LRRTM4: variants seen among roughly 807,000 people sequenced by gnomAD.
LRRTM4 encodes the protein leucine rich repeat transmembrane neuronal 4, also known as leucine-rich repeat transmembrane neuronal protein 4.
LRRTM4 carries 25 observed loss-of-function variants against 47.6 expected under a neutral mutation model. The observed-to-expected ratio is 0.53, with a 90% confidence interval of 0.38 to 0.73. The LOEUF (loss-of-function observed/expected upper bound fraction) is 0.73. Among genes scored for constraint, LRRTM4 ranks in the 30% least tolerant of loss-of-function variants. The probability of loss-of-function intolerance (pLI) is 0.00; values close to 1 mark genes in which losing one functional copy is unlikely to be tolerated. For missense variants in LRRTM4, 638 were observed against 713.4 expected (o/e 0.89, Z 1.20); for synonymous variants, 311 against 269.5 (o/e 1.15, Z -1.51).
intron 3 of LRRTM4, among the ~76,000 whole-genome samples, chr2:77,319,392 A>G (rs1166900867): frequency 7.0e-6 from 1 of 143,402 alleles, no homozygotes; most frequent in Non-Finnish European, 1.5e-5. Context: ...CACATCAAAG[A>G]AAAAAAAAAA....
intron 3 of LRRTM4, among the ~76,000 whole-genome samples, chr2:77,145,027 A>C (rs575904539): frequency 3.9e-5 from 6 of 152,312 alleles, no homozygotes; most frequent in African/African-American, 1.4e-4. Flanking sequence ...AAACATAAGA[A>C]ACCAATTTAT....
chr2:77,164,051 T>C (rs545972614), intron 3 of LRRTM4, among the ~76,000 whole-genome samples: 2 of 152,262 alleles, frequency 1.3e-5, no homozygotes, highest in South Asian at 4.1e-4. Context: ...CAGTGTGCTG[T>C]ATTCAGGAGA....
intron 3 of LRRTM4, among the ~76,000 whole-genome samples, chr2:77,105,166 G>A (rs1183262406): frequency 3.9e-5 from 6 of 152,104 alleles, no homozygotes; most frequent in Admixed American, 2.0e-4. Context: ...TGGATGCTGA[G>A]TATAACAACA....
chr2:77,085,837 G>T (rs1026011947), intron 3 of LRRTM4, among the ~76,000 whole-genome samples: 2 of 152,076 alleles, frequency 1.3e-5, no homozygotes, highest in Admixed American at 1.3e-4. Flanking sequence ...GAGCTAAAAT[G>T]ATTTCTAAGT....
At chr2:77,132,248 T>A (rs577126817) in intron 3 of LRRTM4, among the ~76,000 whole-genome samples, 1 of 152,312 alleles carries the variant, frequency 6.6e-6, no homozygotes, top group South Asian at 2.1e-4. Flanking sequence ...GTGATATCTG[T>A]CTTTCTGTGT....
At chr2:77,430,937 T>C (rs1558740338) in intron 3 of LRRTM4, among the ~76,000 whole-genome samples, 1 of 148,246 alleles carries the variant, frequency 6.7e-6, no homozygotes, top group Non-Finnish European at 1.5e-5. Context: ...AAAGGCCAAT[T>C]TGCTCTGTTT....
chr2:77,219,986 C>G (rs191239859), intron 3 of LRRTM4, among the ~76,000 whole-genome samples: 2 of 152,066 alleles, frequency 1.3e-5, no homozygotes, highest in African/African-American at 4.8e-5. Flanking sequence ...TTCACACGGC[C>G]GGATACTCCT....
intron 3 of LRRTM4, among the ~76,000 whole-genome samples, chr2:77,457,095 T>A (rs1344876125): frequency 1.4e-5 from 2 of 142,620 alleles, no homozygotes; most frequent in African/African-American, 5.2e-5. Flanking sequence ...TCACTTCTCT[T>A]GGTGATTTTT....
intron 3 of LRRTM4, among the ~76,000 whole-genome samples, chr2:76,767,616 C>T (rs1030177832): frequency 5.3e-5 from 8 of 152,148 alleles, no homozygotes; most frequent in African/African-American, 1.7e-4. Context: ...GAATCACAAA[C>T]AGATTTTCAG....
At chr2:77,149,925 T>C (rs1210923354) in intron 3 of LRRTM4, among the ~76,000 whole-genome samples, 1 of 152,162 alleles carries the variant, frequency 6.6e-6, no homozygotes, top group East Asian at 1.9e-4. Context: ...TTACATACAT[T>C]ACTGACTTAA....
intron 3 of LRRTM4, among the ~76,000 whole-genome samples, chr2:76,983,488 T>C (rs1007844017): frequency 5.3e-5 from 8 of 152,174 alleles, no homozygotes; most frequent in Middle Eastern, 3.4e-3. Context: ...GCACGAGCTC[T>C]CTTGCCTGTC....
At chr2:77,093,868 T>G (rs966214653) in intron 3 of LRRTM4, among the ~76,000 whole-genome samples, 1 of 151,748 alleles carries the variant, frequency 6.6e-6, no homozygotes, top group African/African-American at 2.4e-5. Context: ...AAAGTCCTTT[T>G]CCTGGCTCAT....
intron 3 of LRRTM4, among the ~76,000 whole-genome samples, chr2:76,873,500 ATG>A (rs374256776): frequency 0.015 from 1,527 of 103,322 alleles, 45 homozygotes; most frequent in African/African-American, 0.059. Context: ...GTGTATATAT[ATG>A]TGTGTATATA....
At chr2:76,794,279 C>T (rs1355805457) in intron 3 of LRRTM4, among the ~76,000 whole-genome samples, 1 of 152,104 alleles carries the variant, frequency 6.6e-6, no homozygotes, top group African/African-American at 2.4e-5. Flanking sequence ...GAGCTGTGTC[C>T]TTAGATCGGA....
chr2:77,406,236 T>C lies in LRRTM4; in HGVS notation c.1551+112082A>G, dbSNP rs528864026. 1.1e-4 allele frequency among the ~76,000 whole-genome samples: 17 copies of C among 152,178 alleles called. 1 individual carries two copies. The South Asian group carries it at 2.7e-3, about 24-fold the overall frequency. On this transcript the variant is annotated intron_variant, in intron 3 of 3. Transcript: ENST00000409884. ...ACTAGAGTCTGGACAAATAATCAAA[T>C]TGACACAATTTATTAATCAACTATG...
At chr2:77,172,493 C>G (rs1186019389) in intron 3 of LRRTM4, among the ~76,000 whole-genome samples, 1 of 152,094 alleles carries the variant, frequency 6.6e-6, no homozygotes, top group Admixed American at 6.6e-5. Context: ...ACTCCGGAGG[C>G]TGAGGCAGGA....
intron 3 of LRRTM4, among the ~76,000 whole-genome samples, chr2:76,862,869 G>A (rs1232444103): frequency 1.3e-5 from 2 of 152,172 alleles, no homozygotes; most frequent in African/African-American, 4.8e-5. Flanking sequence ...GTGACAAGAT[G>A]TATTCTTATT....
At chr2:77,394,658 A>C (rs1673630216) in intron 3 of LRRTM4, among the ~76,000 whole-genome samples, 1 of 151,976 alleles carries the variant, frequency 6.6e-6, no homozygotes, top group African/African-American at 2.4e-5. Flanking sequence ...AATATTCATG[A>C]AGGGCGTCCT....
intron 3 of LRRTM4, among the ~76,000 whole-genome samples, chr2:77,083,962 G>A (rs899123562): frequency 4.0e-5 from 6 of 151,382 alleles, no homozygotes; most frequent in Non-Finnish European, 5.9e-5. Context: ...CCGCCACTGC[G>A]CCTGGCTAAT....
Sources: allele counts gnomAD v4.1 joint callset (sites outside exome capture counted in the v4.1 genomes callset), GRCh38; gene constraint gnomAD v4.1.1; transcripts MANE v1.5; gene names NCBI Gene and HGNC (gene_info 2026-07-23, HGNC 2026-07-21).